The following WNT3 variants were observed in gnomAD, a reference collection of about 807,000 sequenced individuals.
WNT3 encodes the protein Wnt family member 3.
A neutral mutation model predicts 34.2 loss-of-function variants in WNT3; 7 were observed. That is an observed-to-expected ratio of 0.20 (90% CI 0.12 to 0.38). The LOEUF is 0.38. Among genes scored for constraint, WNT3 ranks in the 10% least tolerant of loss-of-function variants. The pLI, the probability that WNT3 is intolerant of heterozygous loss-of-function variation, is 1.00. For missense variants in WNT3, 267 were observed against 499.8 expected, an observed-to-expected ratio of 0.53 and a Z score of 4.44; for synonymous variants, 212 against 211.5, an observed-to-expected ratio of 1.00 and a Z score of -0.02.
chr17:46,772,181 G>A (rs2059380101), intron 2 of WNT3, among the ~76,000 whole-genome samples: 1 of 152,180 alleles, frequency 6.6e-6, no homozygotes, highest in Non-Finnish European at 1.5e-5. Context: ...GGGCGCGTAT[G>A]CGCTCGCGGC....
At position 46,763,831 on chromosome 17, in the gene WNT3, CAAAAAA is replaced by C. The variant is rs374185346; in HGVS notation, c.*793_*798del. ...GCCTATTTACAAGGTCCACTACCAC[CAAAAAA>C]AAAAAAAAACAAAAAAACAAAAAAA... On this transcript the variant is annotated 3_prime_UTR_variant, in exon 5 of 5. Coordinates refer to ENST00000225512, the MANE Select transcript of WNT3 (RefSeq NM_030753.5). 18 of 123,716 alleles carry C rather than the reference CAAAAAA, an allele frequency of 1.5e-4. 1 individual carries two copies. Among genetic ancestry groups the C allele is most frequent in the African/African-American group, 5.5e-4 (17 of 31,084 alleles). 7.7% of individuals were successfully genotyped at this position (123,716 alleles called of 1,614,324 possible).
At chr17:46,817,393 C>G (rs1437724722) in intron 1 of WNT3, among the ~76,000 whole-genome samples, 3 of 152,114 alleles carry the variant, frequency 2.0e-5, no homozygotes, top group Non-Finnish European at 4.4e-5. Context: ...GGCCAAGGCT[C>G]TCCTATGTCC....
chr17:46,801,410 A>G (rs1305853002), intron 1 of WNT3, among the ~76,000 whole-genome samples: 4 of 149,748 alleles, frequency 2.7e-5, no homozygotes, highest in Non-Finnish European at 6.0e-5. Flanking sequence ...ACCTGAGGTC[A>G]GGAGCTGGAG....
intron 4 of WNT3, among the ~76,000 whole-genome samples, chr17:46,765,887 C>T (rs1198528292): frequency 6.6e-6 from 1 of 152,330 alleles, no homozygotes; most frequent in Non-Finnish European, 1.5e-5. Context: ...CTCAGCGAGG[C>T]AGAAGAGCTG....
In WNT3 at chr17:46,768,536, A is replaced by G; in HGVS notation, c.852T>C (p.Cys284=). Residue 284 remains cysteine (C), a synonymous_variant, in exon 4 of 5, where the codon TGT becomes TGC. Coordinates refer to ENST00000225512, the MANE Select transcript of WNT3 (RefSeq NM_030753.5). This position sits in a 1 kb window ranked among gnomAD's most constrained non-coding sequence, Gnocchi z 5.0. Reference sequence around the variant, plus strand: ...AGGAACCCGTCTCTGGGTTGGGCTCACAAAAGTTGGGGGAGTTCTCGTAGT... The same window carrying G: ...AGGAACCCGTCTCTGGGTTGGGCTCGCAAAAGTTGGGGGAGTTCTCGTAGT... ...LVYYENSPNF[C]EPNPETGSFG... 1 of 1,614,164 alleles carries G rather than the reference A, an allele frequency of 6.2e-7. No homozygotes were observed. The highest frequency in any genetic ancestry group is 2.2e-5 in the East Asian group (1 of 44,884).
chr17:46,783,687 C>T (rs1277355298), intron 1 of WNT3, among the ~76,000 whole-genome samples: 4 of 152,160 alleles, frequency 2.6e-5, no homozygotes, highest in Non-Finnish European at 5.9e-5. Flanking sequence ...TCCTCACTGC[C>T]TCTGGAGGGC....
At chr17:46,816,357 AAC>A (rs138464517) in intron 1 of WNT3, among the ~76,000 whole-genome samples, 5,217 of 152,058 alleles carry the variant, frequency 0.034, 268 homozygotes, top group African/African-American at 0.12. Context: ...TGGATCCCCC[AAC>A]ACGCCCACAC....
chr17:46,771,340 C>CT (rs1054208233), intron 2 of WNT3, among the ~76,000 whole-genome samples: 2 of 151,972 alleles, frequency 1.3e-5, no homozygotes, highest in Non-Finnish European at 2.9e-5. Flanking sequence ...CGCCCCAATC[C>CT]TAGACGCCCC....
chr17:46,766,228 G>A (rs2059311444), intron 4 of WNT3, among the ~76,000 whole-genome samples: 1 of 152,120 alleles, frequency 6.6e-6, no homozygotes, highest in South Asian at 2.1e-4. Flanking sequence ...GGCCAGCATG[G>A]CGAAACCCGT....
Position 46,792,284 on chromosome 17 carries a change from G to C in WNT3, c.81-18375C>G, listed in dbSNP as rs552885250. Among the ~76,000 whole-genome samples the C allele has an allele frequency of 7.2e-4, 109 of 152,116 alleles. 1 individual carries two copies. The highest frequency in any genetic ancestry group is 1.4e-3 in the Non-Finnish European group (94 of 67,962). On this transcript the variant is annotated intron_variant, in intron 1 of 4. Transcript: ENST00000225512. Reference sequence around the variant, plus strand: ...GGATGACGTCATGGAGCACCTTTTTGGGGACACTCAGGCTGTGAATGAAAT... The same window carrying C: ...GGATGACGTCATGGAGCACCTTTTTCGGGACACTCAGGCTGTGAATGAAAT...
intron 4 of WNT3, among the ~76,000 whole-genome samples, chr17:46,765,870 G>C (rs1395296775): frequency 6.6e-6 from 1 of 152,240 alleles, no homozygotes; most frequent in Non-Finnish European, 1.5e-5. Flanking sequence ...AAATGAAGAA[G>C]CCAGGGCTCA....
At chr17:46,812,272 C>A (rs1380691655) in intron 1 of WNT3, among the ~76,000 whole-genome samples, 1 of 152,184 alleles carries the variant, frequency 6.6e-6, no homozygotes, top group African/African-American at 2.4e-5. Context: ...ACAGGGAGGG[C>A]CTGGATGGGG....
At chr17:46,815,438 A>G (rs780431792) in intron 1 of WNT3, among the ~76,000 whole-genome samples, 1 of 152,146 alleles carries the variant, frequency 6.6e-6, no homozygotes, top group Non-Finnish European at 1.5e-5. Flanking sequence ...TCCCAGCTAC[A>G]TGACTTCCCC....
At chr17:46,813,543 C>T (rs1262794472) in intron 1 of WNT3, among the ~76,000 whole-genome samples, 2 of 151,906 alleles carry the variant, frequency 1.3e-5, no homozygotes, top group Non-Finnish European at 2.9e-5. Flanking sequence ...TCTTGCCCTC[C>T]TTGGCAGCTG....
chr17:46,772,560 A>G (rs199522), intron 2 of WNT3, among the ~76,000 whole-genome samples: 4,784 of 152,362 alleles, frequency 0.031, 81 homozygotes, highest in Middle Eastern at 0.075. Context: ...CTTGGCCCCA[A>G]TTAAGAGGCC....
intron 1 of WNT3, among the ~76,000 whole-genome samples, chr17:46,801,644 A>C (rs2084127155): frequency 6.7e-6 from 1 of 148,788 alleles, no homozygotes; most frequent in African/African-American, 2.5e-5. Context: ...ATTGAATTGA[A>C]TTAAATTAAA....
At chr17:46,774,019 T>G (rs1007413054) in intron 1 of WNT3, 110 bp from the exon 2 acceptor site, 15 of 1,460,928 alleles carry the variant, frequency 1.0e-5, no homozygotes, top group East Asian at 7.4e-5. Flanking sequence ...GCAGAGGGCC[T>G]GTGCCCTGGC....
chr17:46,770,016 C>T lies in WNT3; in HGVS notation c.355G>A (p.Ala119Thr). 1 of 1,582,786 alleles carries T rather than the reference C, an allele frequency of 6.3e-7. No individual in the cohort carries two copies. The change falls in exon 3 of 5, where the codon GCC (alanine) becomes ACC (threonine). Residue 119 changes from alanine to threonine, a missense_variant. Physicochemically the swap from Ala to Thr is moderately conservative, Grantham distance 58 (BLOSUM62 0). Around this residue, in one of 3 missense-constraint regions of WNT3, gnomAD observed 181 missense variants for 391.3 expected, o/e 0.46. Transcript: ENST00000225512. ...ACGGCGAAGGCCACGCCGGCCGAGG[C>T]GATGGCGTGAACGAAGGCCGACTCG... Reference protein sequence around the residue: ...TRESAFVHAIASAGVAFAVTR... With the variant: ...TRESAFVHAITSAGVAFAVTR...
chr17:46,817,640 C>A lies in WNT3; in HGVS notation c.80+878G>T, dbSNP rs184067259. ...GCCCCCCAGACACGCACAGCCCCCCCCAAGCACTGCTCCCGGCTTCCCAGT... is the reference window on the plus strand; with the variant it reads ...GCCCCCCAGACACGCACAGCCCCCCACAAGCACTGCTCCCGGCTTCCCAGT... On this transcript the variant is annotated intron_variant, in intron 1 of 4. Transcript: ENST00000225512. Among the ~76,000 whole-genome samples the A allele has an allele frequency of 4.1e-5, 6 of 145,794 alleles. No individual in the cohort carries two copies. In the East Asian group the frequency reaches 9.0e-4, roughly 22 times the overall value.
Sources: gnomAD v4.1 joint callset for allele counts (sites outside exome capture counted in the v4.1 genomes callset) on GRCh38, gnomAD v4.1.1 for gene constraint, gnomAD v4.1.1 regional missense constraint, Gnocchi (gnomAD v3.1) non-coding constraint, MANE v1.5 for transcripts, NCBI Gene and HGNC (gene_info 2026-07-23, HGNC 2026-07-21) for gene names.